Variants in NEXMIF observed in about 807,000 individuals in gnomAD.
NEXMIF encodes the protein neurite extension and migration factor.
Under a neutral mutation model 62.1 loss-of-function variants are expected in NEXMIF, and 8 were observed. The observed-to-expected ratio is 0.13, with a 90% CI of 0.08 to 0.23. The LOEUF (loss-of-function observed/expected upper bound fraction) is 0.23, where lower values mean the gene tolerates loss of function less well. Among genes scored for constraint, NEXMIF ranks in the 10% least tolerant of loss-of-function variants. The pLI is 1.00. For synonymous variants in NEXMIF, 404 were observed against 416.6 expected (o/e 0.97, Z 0.37); for missense variants, 976 against 1,113.3 (o/e 0.88, Z 1.75).
intron 1 of NEXMIF, among the ~76,000 whole-genome samples, chrX:74,816,209 A>G (rs779879511): frequency 8.0e-4 from 89 of 111,672 alleles, no homozygotes; most frequent in Middle Eastern, 4.6e-3. Flanking sequence ...CATATATCTT[A>G]GTTACTTTAT....
chrX:74,854,501 T>C (rs1465908449), intron 1 of NEXMIF, among the ~76,000 whole-genome samples: 1 of 111,922 alleles, frequency 8.9e-6, no homozygotes, highest in African/African-American at 3.2e-5. Context: ...AAGCCTTTCC[T>C]CTGAGAACTG....
At chrX:74,774,132 A>G (rs1408955415) in intron 1 of NEXMIF, among the ~76,000 whole-genome samples, 2 of 110,666 alleles carry the variant, frequency 1.8e-5, no homozygotes, top group Admixed American at 1.9e-4. Flanking sequence ...TTCTAACTAA[A>G]GTTAAGGAAT....
chrX:74,895,202 A>G (rs1172471590), intron 1 of NEXMIF, among the ~76,000 whole-genome samples: 1 of 112,276 alleles, frequency 8.9e-6, no homozygotes, highest in Non-Finnish European at 1.9e-5. Context: ...ATCAAAAAGT[A>G]GTCCCAATTA....
intron 1 of NEXMIF, among the ~76,000 whole-genome samples, chrX:74,769,105 T>C (rs1602222186): frequency 1.8e-5 from 2 of 110,740 alleles, no homozygotes; most frequent in African/African-American, 6.6e-5. Flanking sequence ...TTTTTTTTTT[T>C]CTCAGCCAAA....
chrX:74,872,980 T>G (rs189113570), intron 1 of NEXMIF, among the ~76,000 whole-genome samples: 9,048 of 109,931 alleles, frequency 0.082, 331 homozygotes, highest in Admixed American at 0.12. Context: ...TTTGGTTTTT[T>G]TTTAATTAAT....
chrX:74,903,258 T>C (rs1309276960), intron 1 of NEXMIF, among the ~76,000 whole-genome samples: 1 of 108,891 alleles, frequency 9.2e-6, no homozygotes, highest in East Asian at 2.9e-4. Context: ...TAGAGGAATT[T>C]GTTCAATTAT....
intron 1 of NEXMIF, among the ~76,000 whole-genome samples, chrX:74,842,956 C>T (rs905956216): frequency 3.6e-5 from 4 of 111,408 alleles, no homozygotes; most frequent in African/African-American, 9.8e-5. Flanking sequence ...CTGTTGTTTG[C>T]GGGTGGAGAG....
chrX:74,895,376 G>A (rs779275357), intron 1 of NEXMIF, among the ~76,000 whole-genome samples: 2 of 111,682 alleles, frequency 1.8e-5, no homozygotes, highest in Non-Finnish European at 3.8e-5. Flanking sequence ...GTTAAAATGT[G>A]CATACTACTC....
chrX:74,830,191 T>TTTAA (rs2080431564), intron 1 of NEXMIF, among the ~76,000 whole-genome samples: 1 of 111,961 alleles, frequency 8.9e-6, no homozygotes, highest in Non-Finnish European at 1.9e-5. Flanking sequence ...AGGTCTAAGA[T>TTTAA]TTAAGTCTTT....
intron 1 of NEXMIF, among the ~76,000 whole-genome samples, chrX:74,907,435 TGATA>T (rs1036530216): frequency 9.6e-6 from 1 of 104,065 alleles, no homozygotes; most frequent in African/African-American, 3.6e-5. Flanking sequence ...ACTCTGTACC[TGATA>T]GAGAGTGTAG....
chrX:74,758,865 T>C (rs2080167420), intron 1 of NEXMIF, among the ~76,000 whole-genome samples: 1 of 112,380 alleles, frequency 8.9e-6, no homozygotes. Flanking sequence ...AATGAACATA[T>C]GTATGCATGT....
chrX:74,887,477 G>T (rs1363140863), intron 1 of NEXMIF, among the ~76,000 whole-genome samples: 1 of 111,967 alleles, frequency 8.9e-6, no homozygotes, highest in Non-Finnish European at 1.9e-5. Flanking sequence ...CCATCAAAAA[G>T]TGGGCGAAGG....
intron 1 of NEXMIF, among the ~76,000 whole-genome samples, chrX:74,772,328 C>T: frequency 1.8e-5 from 2 of 112,056 alleles, no homozygotes; most frequent in Middle Eastern, 9.3e-3. Flanking sequence ...ACTTTTTATC[C>T]CACCATTTTC....
At chrX:74,836,003 T>C (rs2080455270) in intron 1 of NEXMIF, among the ~76,000 whole-genome samples, 2 of 112,706 alleles carry the variant, frequency 1.8e-5, no homozygotes, top group South Asian at 3.6e-4. Context: ...ATGCAGTCTT[T>C]CCCACTCTTT....
intron 1 of NEXMIF, among the ~76,000 whole-genome samples, chrX:74,843,630 G>T (rs773854003): frequency 9.0e-6 from 1 of 110,996 alleles, no homozygotes; most frequent in African/African-American, 3.3e-5. Context: ...TAGGGAGGAT[G>T]GTGTTGATCT....
chrX:74,848,574 G>A (rs1303440365), intron 1 of NEXMIF, among the ~76,000 whole-genome samples: 1 of 112,244 alleles, frequency 8.9e-6, no homozygotes, highest in Non-Finnish European at 1.9e-5. Flanking sequence ...AGACCTTTTA[G>A]AGGGCCACTA....
chrX:74,859,178 A>G (rs1179496343), intron 1 of NEXMIF, among the ~76,000 whole-genome samples: 1 of 111,234 alleles, frequency 9.0e-6, no homozygotes, highest in Non-Finnish European at 1.9e-5. Flanking sequence ...AGAACACCCA[A>G]CAGATTTTAC....
At chrX:74,832,745 T>C (rs1011060995) in intron 1 of NEXMIF, among the ~76,000 whole-genome samples, 15 of 111,435 alleles carry the variant, frequency 1.3e-4, no homozygotes, top group Non-Finnish European at 2.5e-4. Flanking sequence ...TTTGAGGTAG[T>C]CACTTATAGC....
At chrX:74,872,600 T>A (rs1005258216) in intron 1 of NEXMIF, among the ~76,000 whole-genome samples, 2 of 109,498 alleles carry the variant, frequency 1.8e-5, no homozygotes, top group Admixed American at 9.8e-5. Flanking sequence ...CTGTAGTAAA[T>A]TATGTTTTAC....
Sources: allele counts gnomAD v4.1 joint callset (sites outside exome capture counted in the v4.1 genomes callset), GRCh38; gene constraint gnomAD v4.1.1; transcripts MANE v1.5; gene names NCBI Gene and HGNC (gene_info 2026-07-23, HGNC 2026-07-21).